TAOK3: variants seen among roughly 807,000 people sequenced by gnomAD.
The protein encoded by TAOK3 is serine/threonine-protein kinase TAO3.
Under a neutral mutation model 120.4 loss-of-function variants are expected in TAOK3, and 40 were observed. The observed-to-expected ratio is 0.33, with a 90% CI of 0.26 to 0.43. The LOEUF (loss-of-function observed/expected upper bound fraction) is 0.43, where lower values mean the gene tolerates loss of function less well. Ranked by LOEUF, TAOK3 falls within the 20% of genes least tolerant of loss-of-function variation. The pLI is 1.00. For synonymous variants in TAOK3, 355 were observed against 387.5 expected, an observed-to-expected ratio of 0.92 and a Z score of 0.99; for missense variants, 821 against 1,112.1, an observed-to-expected ratio of 0.74 and a Z score of 3.72.
chr12:118,288,710 A>T (rs919280634), intron 1 of TAOK3, among the ~76,000 whole-genome samples: 2 of 150,154 alleles, frequency 1.3e-5, no homozygotes, highest in African/African-American at 4.9e-5. Context: ...GAGCTCAGGC[A>T]TTCAAGACCA....
chr12:118,369,687 C>A (rs532367549), intron 1 of TAOK3, among the ~76,000 whole-genome samples: 1 of 151,918 alleles, frequency 6.6e-6, no homozygotes, highest in African/African-American at 2.4e-5. Flanking sequence ...TTCTAAATAC[C>A]CTTTTGAGTT....
chr12:118,201,269 G>T (rs2038007305), intron 12 of TAOK3, 27 bp downstream of exon 12: 1 of 1,599,526 alleles, frequency 6.3e-7, no homozygotes. Context: ...CATTCTATAA[G>T]TGCCTGCTAA....
At chr12:118,274,072 C>T (rs7314987) in intron 1 of TAOK3, among the ~76,000 whole-genome samples, 14,265 of 151,876 alleles carry the variant, frequency 0.094, 852 homozygotes, top group Non-Finnish European at 0.13. Context: ...TTTCTTCCCC[C>T]GTTTCCTTCC....
intron 1 of TAOK3, among the ~76,000 whole-genome samples, chr12:118,309,327 C>CAAA (rs771231916): frequency 2.8e-5 from 2 of 71,088 alleles, no homozygotes; most frequent in African/African-American, 5.1e-5. Flanking sequence ...AGACTGTCTC[C>CAAA]AAAAAAAAAA....
At chr12:118,257,259 A>G (rs981860711) in intron 2 of TAOK3, among the ~76,000 whole-genome samples, 1 of 152,206 alleles carries the variant, frequency 6.6e-6, no homozygotes, top group Non-Finnish European at 1.5e-5. Flanking sequence ...ACTGACTACT[A>G]GAAGAAATTA....
At chr12:118,301,992 A>T (rs1403273819) in intron 1 of TAOK3, among the ~76,000 whole-genome samples, 1 of 152,202 alleles carries the variant, frequency 6.6e-6, no homozygotes, top group African/African-American at 2.4e-5. Flanking sequence ...TTAATTGTGA[A>T]GAAAATTTAA....
At chr12:118,177,874 G>A (rs2036448091) in intron 15 of TAOK3, among the ~76,000 whole-genome samples, 1 of 152,056 alleles carries the variant, frequency 6.6e-6, no homozygotes, top group Non-Finnish European at 1.5e-5. Flanking sequence ...CTGAATTATG[G>A]GAAAAATATG....
At chr12:118,157,777 T>C (rs576573151) in intron 19 of TAOK3, among the ~76,000 whole-genome samples, 2 of 152,238 alleles carry the variant, frequency 1.3e-5, no homozygotes, top group African/African-American at 4.8e-5. Flanking sequence ...AGGCACTCAA[T>C]GAATACTTGC....
intron 1 of TAOK3, among the ~76,000 whole-genome samples, chr12:118,300,205 C>A (rs139600372): frequency 6.6e-6 from 1 of 152,128 alleles, no homozygotes; most frequent in African/African-American, 2.4e-5. Context: ...AATGTACTCA[C>A]GTGTTCATCT....
intron 1 of TAOK3, among the ~76,000 whole-genome samples, chr12:118,350,296 G>A (rs996586920): frequency 1.3e-5 from 2 of 152,078 alleles, no homozygotes; most frequent in Non-Finnish European, 2.9e-5. Context: ...ATAAACACAG[G>A]CATAGAACTG....
intron 9 of TAOK3, among the ~76,000 whole-genome samples, chr12:118,223,768 C>G (rs1391774489): frequency 6.6e-6 from 1 of 151,792 alleles, no homozygotes; most frequent in East Asian, 1.9e-4. Context: ...ATCAGCCTCC[C>G]AAGTAGCTGG....
intron 1 of TAOK3, among the ~76,000 whole-genome samples, chr12:118,331,636 C>A: frequency 2.5e-5 from 3 of 119,052 alleles, no homozygotes; most frequent in South Asian, 2.6e-4. Flanking sequence ...CAGAACGAGA[C>A]TCTTATCTCA....
At chr12:118,293,154 A>T (rs2042546238) in intron 1 of TAOK3, among the ~76,000 whole-genome samples, 1 of 152,230 alleles carries the variant, frequency 6.6e-6, no homozygotes, top group African/African-American at 2.4e-5. Context: ...TCAAAAGTAT[A>T]TGAGACTGTA....
intron 1 of TAOK3, among the ~76,000 whole-genome samples, chr12:118,314,891 T>G (rs755087847): frequency 1.3e-5 from 2 of 152,134 alleles, no homozygotes; most frequent in Non-Finnish European, 2.9e-5. Flanking sequence ...GACTATTGCA[T>G]GGGCACATGA....
intron 1 of TAOK3, among the ~76,000 whole-genome samples, chr12:118,270,467 A>G (rs1025846145): frequency 5.3e-5 from 8 of 152,154 alleles, no homozygotes. Flanking sequence ...TAATAACTTT[A>G]CCTAACGAAC....
chr12:118,345,743 C>T (rs2044829456), intron 1 of TAOK3, among the ~76,000 whole-genome samples: 1 of 150,518 alleles, frequency 6.6e-6, no homozygotes. Flanking sequence ...TATGGTCTAC[C>T]TGATGTAGAA....
chr12:118,205,998 TAC>T (rs951368551), intron 11 of TAOK3, among the ~76,000 whole-genome samples: 4 of 152,078 alleles, frequency 2.6e-5, no homozygotes, highest in Non-Finnish European at 2.9e-5. Flanking sequence ...TCTTTGTGGT[TAC>T]AGATCACTAA....
chr12:118,313,457 A>G (rs923460875), intron 1 of TAOK3, among the ~76,000 whole-genome samples: 3 of 152,046 alleles, frequency 2.0e-5, no homozygotes, highest in African/African-American at 4.8e-5. Flanking sequence ...TTGTATTTTT[A>G]GTAGAAATGA....
intron 17 of TAOK3, among the ~76,000 whole-genome samples, chr12:118,166,827 T>TATATACAC (rs774334586): frequency 4.8e-5 from 7 of 146,622 alleles, no homozygotes; most frequent in South Asian, 2.1e-4. Flanking sequence ...TATATATATA[T>TATATACAC]ACACACACAC....
Sources: allele counts gnomAD v4.1 joint callset (sites outside exome capture counted in the v4.1 genomes callset), GRCh38; gene constraint gnomAD v4.1.1; transcripts MANE v1.5; gene names NCBI Gene and HGNC (gene_info 2026-07-23, HGNC 2026-07-21).